PDE1C: variants seen among roughly 807,000 people sequenced by gnomAD.
The protein encoded by PDE1C is phosphodiesterase 1C.
PDE1C carries 62 observed loss-of-function variants against 93.1 expected under a neutral mutation model. The ratio of observed to expected loss-of-function variants is 0.67; its 90% confidence interval spans 0.54 to 0.82. The LOEUF is 0.82. PDE1C is among the 40% of genes least tolerant of loss of function. The pLI is 0.00. For missense variants in PDE1C, 742 were observed against 884.6 expected, an observed-to-expected ratio of 0.84 and a Z score of 2.04; for synonymous variants, 325 against 310.1, an observed-to-expected ratio of 1.05 and a Z score of -0.50.
chr7:31,884,538 A>G (rs988846710), intron 2 of PDE1C, among the ~76,000 whole-genome samples: 2 of 152,224 alleles, frequency 1.3e-5, no homozygotes, highest in African/African-American at 2.4e-5. Context: ...CATGTCAGAT[A>G]CAAGCTGCAG....
intron 1 of PDE1C, among the ~76,000 whole-genome samples, chr7:32,312,969 C>A (rs1402426998): frequency 1.3e-5 from 2 of 152,014 alleles, no homozygotes; most frequent in Non-Finnish European, 2.9e-5. Flanking sequence ...AACAGGCAAC[C>A]TACAAAATGG....
chr7:31,785,264 T>G (rs1448518132), intron 16 of PDE1C: 1 of 152,122 alleles, frequency 6.6e-6, no homozygotes, highest in Non-Finnish European at 1.5e-5. Flanking sequence ...CAAGGTCTCC[T>G]CAGGGGAGAC....
At chr7:32,333,862 C>T (rs1783560337) in intron 1 of PDE1C, among the ~76,000 whole-genome samples, 1 of 152,170 alleles carries the variant, frequency 6.6e-6, no homozygotes, top group Non-Finnish European at 1.5e-5. Context: ...TTGCCTATTT[C>T]CTCCATATTT....
intron 11 of PDE1C, among the ~76,000 whole-genome samples, chr7:31,835,551 T>TGTGCGTGC (rs1554358116): frequency 1.1e-4 from 17 of 151,946 alleles, no homozygotes; most frequent in East Asian, 9.7e-4. Context: ...TGTGTGTGTG[T>TGTGCGTGC]GTGTGCGTGC....
intron 6 of PDE1C, among the ~76,000 whole-genome samples, chr7:31,866,323 C>A (rs1795288730): frequency 6.6e-6 from 1 of 152,068 alleles, no homozygotes; most frequent in Non-Finnish European, 1.5e-5. Context: ...AAAATACAAC[C>A]TTTAAGAGGT....
At chr7:31,900,329 T>C (rs1170444047) in intron 2 of PDE1C, among the ~76,000 whole-genome samples, 1 of 151,846 alleles carries the variant, frequency 6.6e-6, no homozygotes, top group Non-Finnish European at 1.5e-5. Context: ...GTTCCTTATA[T>C]GAAATACGCC....
Position 31,775,740 on chromosome 7 carries a change from G to A in PDE1C, c.1892-8C>T, listed in dbSNP as rs766975873. 1 of 1,610,526 alleles carries A rather than the reference G, an allele frequency of 6.2e-7. No homozygotes were observed. Among genetic ancestry groups the A allele is most frequent in the Admixed American group, 1.7e-5 (1 of 59,994 alleles). On this transcript the variant is annotated splice_polypyrimidine_tract_variant and splice_region_variant and intron_variant, in intron 16 of 17. Transcript: ENST00000396191. ...GAGAACGCTGTTTTGTGCCTGTGAAGAGGAAAAAGAGGATAAGGAAAAGTA... is the reference window on the plus strand; with the variant it reads ...GAGAACGCTGTTTTGTGCCTGTGAAAAGGAAAAAGAGGATAAGGAAAAGTA...
the PDE1C span, among the ~76,000 whole-genome samples, chr7:31,628,720 T>G: frequency 6.6e-6 from 1 of 152,126 alleles, no homozygotes; most frequent in Non-Finnish European, 1.5e-5. Context: ...CCTCCGAAAG[T>G]GCTGGGATTA....
chr7:31,892,675 A>AT (rs147809390), intron 2 of PDE1C, among the ~76,000 whole-genome samples: 12,554 of 151,388 alleles, frequency 0.083, 612 homozygotes, highest in Middle Eastern at 0.17. Flanking sequence ...TAAAAGTTTG[A>AT]TTTTTTTTTA....
intron 1 of PDE1C, among the ~76,000 whole-genome samples, chr7:32,252,919 A>G (rs958456452): frequency 6.6e-6 from 1 of 152,232 alleles, no homozygotes; most frequent in Admixed American, 6.5e-5. Flanking sequence ...GTCCCTTCTC[A>G]TGGCCTAACC....
upstream of PDE1C, chr7:32,299,338 C>A (rs1353107135): frequency 4.1e-6 from 4 of 985,598 alleles, no homozygotes; most frequent in East Asian, 3.4e-4. Flanking sequence ...TCGGGAAAAT[C>A]GCCACGCCCA....
chr7:31,666,954 A>C, the PDE1C span, among the ~76,000 whole-genome samples: 2 of 152,212 alleles, frequency 1.3e-5, no homozygotes, highest in Non-Finnish European at 2.9e-5. Context: ...CTCTAGGCAT[A>C]AGGGCTAGGG....
chr7:31,742,771 CCTT>C, the PDE1C span, among the ~76,000 whole-genome samples: 2 of 152,250 alleles, frequency 1.3e-5, 1 homozygote, highest in Middle Eastern at 6.8e-3. Flanking sequence ...CTATTTTGAA[CCTT>C]CTTCTGAGCA....
At chr7:31,877,358 A>G (rs1796719850) in intron 5 of PDE1C, among the ~76,000 whole-genome samples, 1 of 152,176 alleles carries the variant, frequency 6.6e-6, no homozygotes, top group Non-Finnish European at 1.5e-5. Context: ...TTTAAACTCA[A>G]GCATTTGTAT....
At chr7:31,968,167 T>C (rs1810329633) in intron 2 of PDE1C, among the ~76,000 whole-genome samples, 1 of 152,192 alleles carries the variant, frequency 6.6e-6, no homozygotes, top group South Asian at 2.1e-4. Context: ...GGAAGTCAAA[T>C]TGTCCCTGTT....
intron 1 of PDE1C, among the ~76,000 whole-genome samples, chr7:32,369,313 T>C (rs1443349120): frequency 1.3e-5 from 2 of 152,030 alleles, no homozygotes; most frequent in African/African-American, 4.8e-5. Flanking sequence ...AACAAATTAA[T>C]GTAAAAGTAG....
chr7:31,739,200 GACACACACACACACACACACAC>G, the PDE1C span, among the ~76,000 whole-genome samples: 20 of 143,070 alleles, frequency 1.4e-4, no homozygotes, highest in African/African-American at 4.9e-4. Context: ...GTAACTTTTA[GACACACACACACACACACACAC>G]ACACACACAC....
intron 14 of PDE1C, among the ~76,000 whole-genome samples, chr7:31,821,487 T>A (rs368770853): frequency 6.6e-6 from 1 of 152,228 alleles, no homozygotes; most frequent in South Asian, 2.1e-4. Flanking sequence ...ATGAGTGTAA[T>A]TGATTATAAG....
At chr7:32,295,659 A>C (rs1812573139) in intron 1 of PDE1C, among the ~76,000 whole-genome samples, 1 of 152,168 alleles carries the variant, frequency 6.6e-6, no homozygotes, top group South Asian at 2.1e-4. Flanking sequence ...TGGGAGACCG[A>C]GGTGGGTGGA....
Sources: gnomAD v4.1 joint callset for allele counts (sites outside exome capture counted in the v4.1 genomes callset) on GRCh38, gnomAD v4.1.1 for gene constraint, MANE v1.5 for transcripts, NCBI Gene and HGNC (gene_info 2026-07-23, HGNC 2026-07-21) for gene names.